Variants in PLPPR1 observed in about 807,000 individuals in gnomAD.
PLPPR1 encodes phospholipid phosphatase related 1.
Under a neutral mutation model 33.1 loss-of-function variants are expected in PLPPR1, and 10 were observed. That is an observed-to-expected ratio of 0.30 (90% confidence interval 0.19 to 0.51). The LOEUF (loss-of-function observed/expected upper bound fraction) is 0.51, where lower values mean the gene tolerates loss of function less well. PLPPR1 is among the 20% of genes least tolerant of loss of function. The pLI is 0.97. For synonymous variants in PLPPR1, 151 were observed against 151.0 expected (o/e 1.00, Z 0.00); for missense variants, 304 against 408.1 (o/e 0.74, Z 2.20).
intron 3 of PLPPR1, among the ~76,000 whole-genome samples, chr9:101,281,097 C>CA (rs56714047): frequency 6.6e-6 from 1 of 151,536 alleles, no homozygotes; most frequent in South Asian, 2.1e-4. Flanking sequence ...AATGAACAAA[C>CA]AAAAAAATGG....
chr9:101,161,499 T>C (rs1012058875), intron 1 of PLPPR1, among the ~76,000 whole-genome samples: 2 of 152,088 alleles, frequency 1.3e-5, no homozygotes. Context: ...CACTAAGGCT[T>C]ACTTGTCTGA....
intron 1 of PLPPR1, among the ~76,000 whole-genome samples, chr9:101,130,641 C>T (rs1831303181): frequency 6.6e-6 from 1 of 152,116 alleles, no homozygotes. Context: ...AATAATAAAG[C>T]AACTAACAAA....
intron 2 of PLPPR1, among the ~76,000 whole-genome samples, chr9:101,191,290 C>A (rs1319887600): frequency 2.0e-5 from 3 of 152,142 alleles, no homozygotes; most frequent in Non-Finnish European, 4.4e-5. Context: ...ATTTTCTCAT[C>A]ATTTTTTCTC....
At chr9:101,296,941 TATA>T (rs774038383) in intron 4 of PLPPR1, among the ~76,000 whole-genome samples, 10 of 152,014 alleles carry the variant, frequency 6.6e-5, no homozygotes, top group East Asian at 5.8e-4. Context: ...AAACTTAAAG[TATA>T]ATAATAATAA....
At chr9:101,031,902 G>A (rs1414176234) in intron 1 of PLPPR1, among the ~76,000 whole-genome samples, 5 of 152,198 alleles carry the variant, frequency 3.3e-5, no homozygotes, top group Admixed American at 3.3e-4. Flanking sequence ...CAGTTAACAA[G>A]TAATGCTATA....
intron 1 of PLPPR1, among the ~76,000 whole-genome samples, chr9:101,083,099 C>A (rs2118515326): frequency 6.6e-6 from 1 of 152,226 alleles, no homozygotes; most frequent in East Asian, 1.9e-4. Context: ...TTCTACAGCA[C>A]AGATCAGCAA....
At chr9:101,177,831 A>T (rs1826040758) in intron 1 of PLPPR1, among the ~76,000 whole-genome samples, 1 of 152,130 alleles carries the variant, frequency 6.6e-6, no homozygotes, top group African/African-American at 2.4e-5. Context: ...ATAATTCCCA[A>T]TATTAATTTT....
At position 101,210,925 on chromosome 9, in the gene PLPPR1, G is replaced by A. The variant is rs922063029; in HGVS notation, c.63+25368G>A. ...TGGGACTACAGGCGCCTGCCACCAC[G>A]CCTGGCTAATTTTTTGTATTTTTAG... On this transcript the variant is annotated intron_variant, in intron 2 of 7. Coordinates refer to ENST00000374874, the MANE Select transcript of PLPPR1 (RefSeq NM_207299.2). 1.5e-4 allele frequency among the ~76,000 whole-genome samples: 23 copies of A among 151,974 alleles called. 1 individual carries two copies. Among genetic ancestry groups the A allele is most frequent in the Admixed American group, 1.3e-3 (20 of 15,254 alleles).
At chr9:101,140,037 G>C (rs140050224) in intron 1 of PLPPR1, among the ~76,000 whole-genome samples, 160 of 152,302 alleles carry the variant, frequency 1.1e-3, no homozygotes, top group Non-Finnish European at 1.8e-3. Context: ...ATTCGATGGA[G>C]TTAATAAGAC....
intron 1 of PLPPR1, among the ~76,000 whole-genome samples, chr9:101,158,296 A>G (rs2771064): frequency 0.92 from 139,255 of 152,174 alleles, 63,903 homozygotes; most frequent in African/African-American, 0.98. Flanking sequence ...ATCTGGAAAG[A>G]GATGAGAGAG....
At chr9:101,269,779 A>C in intron 2 of PLPPR1, 101 bp from the exon 3 acceptor site, 1 of 1,125,918 alleles carries the variant, frequency 8.9e-7, no homozygotes, top group Non-Finnish European at 1.3e-6. Flanking sequence ...TACCAATATC[A>C]GGAGAGCCGC....
At chr9:101,120,791 A>G (rs757017961) in intron 1 of PLPPR1, among the ~76,000 whole-genome samples, 6 of 152,216 alleles carry the variant, frequency 3.9e-5, no homozygotes, top group Non-Finnish European at 7.3e-5. Context: ...ATATGGCCCT[A>G]TGAGGGCCTT....
intron 2 of PLPPR1, among the ~76,000 whole-genome samples, chr9:101,195,849 C>T (rs894896428): frequency 1.2e-4 from 19 of 152,258 alleles, no homozygotes; most frequent in African/African-American, 2.6e-4. Flanking sequence ...TTCTTCATAA[C>T]GTTGAATGAA....
At chr9:101,236,430 A>G (rs1219259856) in intron 2 of PLPPR1, among the ~76,000 whole-genome samples, 1 of 151,666 alleles carries the variant, frequency 6.6e-6, no homozygotes, top group African/African-American at 2.4e-5. Context: ...ACTATCAGAG[A>G]AAAGGCAAAT....
intron 2 of PLPPR1, among the ~76,000 whole-genome samples, chr9:101,253,507 C>G (rs1827746657): frequency 6.6e-6 from 1 of 151,934 alleles, no homozygotes; most frequent in Admixed American, 6.6e-5. Flanking sequence ...TGCCCCTGGA[C>G]TCCAGCCTGG....
chr9:101,279,609 T>C (rs990338688), intron 3 of PLPPR1, among the ~76,000 whole-genome samples: 6 of 152,186 alleles, frequency 3.9e-5, no homozygotes, highest in Non-Finnish European at 5.9e-5. Flanking sequence ...AAAATAGTCA[T>C]ATCAAGTATA....
At chr9:101,132,611 C>T (rs1831326090) in intron 1 of PLPPR1, among the ~76,000 whole-genome samples, 2 of 152,010 alleles carry the variant, frequency 1.3e-5, no homozygotes, top group South Asian at 2.1e-4. Flanking sequence ...ATATCCAAAC[C>T]CAAAGAATAT....
At chr9:101,225,399 T>C (rs1827042444) in intron 2 of PLPPR1, among the ~76,000 whole-genome samples, 1 of 152,140 alleles carries the variant, frequency 6.6e-6, no homozygotes, top group Non-Finnish European at 1.5e-5. Context: ...CAGATGGATT[T>C]AACGAGAGCC....
At chr9:101,294,021 T>A (rs1415456097) in intron 4 of PLPPR1, among the ~76,000 whole-genome samples, 1 of 152,176 alleles carries the variant, frequency 6.6e-6, no homozygotes, top group African/African-American at 2.4e-5. Flanking sequence ...AGGAGCTGAT[T>A]TTTTGAAAGG....
Sources: gnomAD v4.1 joint callset for allele counts (sites outside exome capture counted in the v4.1 genomes callset) on GRCh38, gnomAD v4.1.1 for gene constraint, MANE v1.5 for transcripts, NCBI Gene and HGNC (gene_info 2026-07-23, HGNC 2026-07-21) for gene names.